The following RALYL variants were observed in gnomAD, a reference collection of about 807,000 sequenced individuals.
The protein encoded by RALYL is RNA-binding Raly-like protein.
Under a neutral mutation model 35.1 loss-of-function variants are expected in RALYL, and 29 were observed. The observed-to-expected ratio is 0.83, with a 90% CI of 0.61 to 1.13. The LOEUF (loss-of-function observed/expected upper bound fraction) is 1.13. Ranked by LOEUF, RALYL falls within the 50% of genes most tolerant of loss-of-function variation. The pLI is 0.00. For synonymous variants in RALYL, 120 were observed against 127.6 expected (o/e 0.94, Z 0.40); for missense variants, 359 against 360.4 (o/e 1.00, Z 0.03).
chr8:84,378,459 A>C (rs1056156484), intron 1 of RALYL, among the ~76,000 whole-genome samples: 20 of 151,958 alleles, frequency 1.3e-4, no homozygotes, highest in Admixed American at 1.2e-3. Flanking sequence ...TATTTTAGGC[A>C]TATATGAATA....
chr8:84,396,868 T>C (rs1034406415), intron 1 of RALYL, among the ~76,000 whole-genome samples: 48 of 152,206 alleles, frequency 3.2e-4, no homozygotes, highest in African/African-American at 1.1e-3. Flanking sequence ...ATGTAAATAT[T>C]CTTCTAGTAA....
chr8:84,211,700 C>T (rs1819528035), intron 1 of RALYL, among the ~76,000 whole-genome samples: 2 of 151,594 alleles, frequency 1.3e-5, no homozygotes, highest in Non-Finnish European at 2.9e-5. Flanking sequence ...AGGAAACTGC[C>T]TTGTTGGCTG....
chr8:84,374,355 C>G (rs907099121), intron 1 of RALYL, among the ~76,000 whole-genome samples: 2 of 151,774 alleles, frequency 1.3e-5, no homozygotes, highest in Admixed American at 6.6e-5. Context: ...GTCATAGGTA[C>G]CTCTTATTAT....
At chr8:84,746,745 G>A (rs565284317) in intron 2 of RALYL, among the ~76,000 whole-genome samples, 35 of 151,718 alleles carry the variant, frequency 2.3e-4, no homozygotes, top group Non-Finnish European at 3.8e-4. Flanking sequence ...GAAATTTGTT[G>A]GAGTAGACTT....
intron 2 of RALYL, among the ~76,000 whole-genome samples, chr8:84,618,531 T>A (rs1820427011): frequency 7.3e-6 from 1 of 137,008 alleles, no homozygotes; most frequent in African/African-American, 2.8e-5. Flanking sequence ...TTGTTGATCC[T>A]TTCAAAAAAC....
intron 1 of RALYL, among the ~76,000 whole-genome samples, chr8:84,514,042 C>T (rs895250663): frequency 7.7e-6 from 1 of 130,288 alleles, no homozygotes; most frequent in African/African-American, 2.9e-5. Flanking sequence ...TGCAGTGAGC[C>T]GAAATCACAC....
intron 2 of RALYL, among the ~76,000 whole-genome samples, chr8:84,727,783 T>A (rs1307772820): frequency 6.6e-6 from 1 of 152,046 alleles, no homozygotes; most frequent in Non-Finnish European, 1.5e-5. Flanking sequence ...TTCATCCATG[T>A]CCCTACAAAG....
intron 8 of RALYL, among the ~76,000 whole-genome samples, chr8:84,903,786 C>A (rs1226109431): frequency 6.6e-6 from 1 of 152,028 alleles, no homozygotes; most frequent in Non-Finnish European, 1.5e-5. Context: ...AAGTCTTTCC[C>A]GTCTTGTAAA....
At chr8:84,469,256 T>C (rs1450910193) in intron 1 of RALYL, among the ~76,000 whole-genome samples, 1 of 152,132 alleles carries the variant, frequency 6.6e-6, no homozygotes, top group Non-Finnish European at 1.5e-5. Flanking sequence ...GTTCTGTTTT[T>C]TCCCCATCTT....
intron 2 of RALYL, among the ~76,000 whole-genome samples, chr8:84,714,629 C>T (rs140674677): frequency 2.6e-5 from 4 of 151,928 alleles, no homozygotes; most frequent in Non-Finnish European, 4.4e-5. Flanking sequence ...TTTCTATGCT[C>T]TAACATATGC....
At chr8:84,370,372 A>G (rs1258562785) in intron 1 of RALYL, among the ~76,000 whole-genome samples, 1 of 152,016 alleles carries the variant, frequency 6.6e-6, no homozygotes, top group African/African-American at 2.4e-5. Flanking sequence ...AGAAGTTATT[A>G]ATTTTAACGT....
At chr8:84,517,346 T>A (rs768721409) in intron 1 of RALYL, among the ~76,000 whole-genome samples, 2 of 152,146 alleles carry the variant, frequency 1.3e-5, no homozygotes, top group South Asian at 2.1e-4. Flanking sequence ...AAAGGCTAGG[T>A]CATAATACTG....
At chr8:84,398,792 G>C (rs2042593706) in intron 1 of RALYL, among the ~76,000 whole-genome samples, 1 of 152,046 alleles carries the variant, frequency 6.6e-6, no homozygotes, top group Non-Finnish European at 1.5e-5. Flanking sequence ...TGACCAATAT[G>C]GTGAAACCCC....
chr8:84,605,359 C>CA (rs1422779929), intron 2 of RALYL, among the ~76,000 whole-genome samples: 15 of 152,142 alleles, frequency 9.9e-5, no homozygotes, highest in Admixed American at 9.2e-4. Flanking sequence ...CTATTCTAAG[C>CA]AATCCACAAA....
chr8:84,511,098 C>G (rs967256798), intron 1 of RALYL, among the ~76,000 whole-genome samples: 1 of 152,158 alleles, frequency 6.6e-6, no homozygotes, highest in Non-Finnish European at 1.5e-5. Context: ...GCCCTTAAGC[C>G]TCTTGTAACC....
intron 1 of RALYL, among the ~76,000 whole-genome samples, chr8:84,299,046 T>C (rs1435041135): frequency 6.6e-6 from 1 of 152,092 alleles, no homozygotes. Context: ...GGATGCCTTT[T>C]ATTTCTCTTG....
intron 1 of RALYL, chr8:84,184,956 G>A: frequency 6.2e-7 from 1 of 1,613,042 alleles, no homozygotes; most frequent in Non-Finnish European, 8.5e-7. Context: ...CTTGAGGATG[G>A]CACCGGCCCT....
At chr8:84,403,522 C>CTTTTTTTTTTT (rs2043136000) in intron 1 of RALYL, among the ~76,000 whole-genome samples, 1 of 52,118 alleles carries the variant, frequency 1.9e-5, no homozygotes, top group African/African-American at 6.8e-5. Context: ...GTCTATATCT[C>CTTTTTTTTTTT]TGTTTTTTTT....
At chr8:84,341,227 A>G (rs1173713233) in intron 1 of RALYL, among the ~76,000 whole-genome samples, 2 of 148,572 alleles carry the variant, frequency 1.3e-5, no homozygotes, top group Non-Finnish European at 3.0e-5. Context: ...TATTTATCAG[A>G]TAAGTGGTTT....
Sources: gnomAD v4.1 joint callset for allele counts (sites outside exome capture counted in the v4.1 genomes callset) on GRCh38, gnomAD v4.1.1 for gene constraint, MANE v1.5 for transcripts, NCBI Gene and HGNC (gene_info 2026-07-23, HGNC 2026-07-21) for gene names.